The following HID1 variants were observed in gnomAD, a reference collection of about 807,000 sequenced individuals.
The protein encoded by HID1 is protein HID1.
Under a neutral mutation model 89.7 loss-of-function variants are expected in HID1, and 42 were observed. The observed-to-expected ratio is 0.47, with a 90% CI of 0.37 to 0.61. HID1 has a LOEUF of 0.61. Ranked by LOEUF, HID1 falls within the 20% of genes least tolerant of loss-of-function variation. HID1 has a pLI of 0.00. For synonymous variants in HID1, 442 were observed against 433.8 expected (o/e 1.02, Z -0.24); for missense variants, 854 against 1,039.3 (o/e 0.82, Z 2.45).
At chr17:74,964,167 C>T (rs865835716) in intron 2 of HID1, 1 of 595,432 alleles carries the variant, frequency 1.7e-6, no homozygotes, top group African/African-American at 1.9e-5. Flanking sequence ...TGGCTGAGGC[C>T]TTGCTAAGTG....
chr17:74,961,361 G>A lies in HID1; in HGVS notation c.728+512C>T, dbSNP rs546595077. Among the ~76,000 whole-genome samples the A allele has an allele frequency of 2.1e-3, 315 of 151,882 alleles. 2 individuals carry two copies. Among genetic ancestry groups the A allele is most frequent in the Non-Finnish European group, 3.7e-3 (253 of 67,968 alleles). On this transcript the variant is annotated intron_variant, in intron 6 of 18. Transcript: ENST00000425042. ...CGGCTCACTGCAACCTCCGCCTCCCGGGTTCAAGCGATTCTCGTGCCTCAG... is the reference window on the plus strand; with the variant it reads ...CGGCTCACTGCAACCTCCGCCTCCCAGGTTCAAGCGATTCTCGTGCCTCAG...
intron 1 of HID1, among the ~76,000 whole-genome samples, chr17:74,971,539 CT>C (rs2039647665): frequency 6.6e-6 from 1 of 152,172 alleles, no homozygotes; most frequent in South Asian, 2.1e-4. Context: ...TGGGAGCTGG[CT>C]TCCTCCATCC....
Position 74,972,537 on chromosome 17 carries a change from G to A in HID1, c.66+54C>T. The A allele has an allele frequency of 6.7e-7, 1 of 1,488,210 alleles. No individual in the cohort carries two copies. Among genetic ancestry groups the A allele is most frequent in the Admixed American group, 2.0e-5 (1 of 49,240 alleles). The allele number at this position is 1,488,210 out of a possible 1,614,324, so 92.2% of individuals were successfully genotyped here. On this transcript the variant is annotated intron_variant, in intron 1 of 18. Transcript: ENST00000425042. This position sits in a 1 kb window ranked among gnomAD's most constrained non-coding sequence, Gnocchi z 6.4. ...GCCAAGTTCGCGTACCCCCGGCCCT[G>A]CCCAGCCCCCAGCCCGGCAGGTGGA...
Position 74,962,964 on chromosome 17 carries a change from C to T in HID1, c.504+1G>A, listed in dbSNP as rs1430652445. 1 of 1,608,848 alleles carries T rather than the reference C, an allele frequency of 6.2e-7. No individual in the cohort carries two copies. Among genetic ancestry groups the T allele is most frequent in the Non-Finnish European group, 8.5e-7 (1 of 1,176,174 alleles). ...GGGGTGGGGGGCTGGGGGACACTCA[C>T]CACAGTGCTCCTCCGGTGGCTCTGA... On this transcript the variant is annotated splice_donor_variant, in intron 4 of 18. Coordinates refer to ENST00000425042, the MANE Select transcript of HID1 (RefSeq NM_030630.3). LOFTEE classifies it high-confidence loss of function. This position sits in a 1 kb window ranked among gnomAD's most constrained non-coding sequence, Gnocchi z 4.3.
intron 1 of HID1, among the ~76,000 whole-genome samples, chr17:74,971,846 C>T (rs1161465763): frequency 1.3e-5 from 2 of 152,218 alleles, no homozygotes; most frequent in Non-Finnish European, 2.9e-5. Flanking sequence ...CCTTAGGCCC[C>T]TCACCAGCTG....
At position 74,958,654 on chromosome 17, in the gene HID1, AC is replaced by A; in HGVS notation, c.1240+18del. 4 of 515,026 alleles carry A rather than the reference AC, an allele frequency of 7.8e-6. No homozygotes were observed. Among genetic ancestry groups the A allele is most frequent in the Non-Finnish European group, 9.8e-6 (3 of 306,374 alleles). The allele number at this position is 515,026 out of a possible 1,614,324, so 31.9% of individuals were successfully genotyped here. A position where few individuals can be genotyped will look rare whatever the true frequency, so the allele number is the denominator to read the frequency against. On this transcript the variant is annotated intron_variant, in intron 10 of 18. Transcript: ENST00000425042. This position sits in a 1 kb window ranked among gnomAD's most constrained non-coding sequence, Gnocchi z 5.2. Reference sequence around the variant, plus strand: ...CCGCCAGGAAAGCCCCCAGCATCCCACCCCCACCCTGGTCTTACACTGATCG... The same window carrying A: ...CCGCCAGGAAAGCCCCCAGCATCCCACCCCACCCTGGTCTTACACTGATCG...
Position 74,953,062 on chromosome 17 carries a change from G to C in HID1, c.1996C>G (p.Gln666Glu), listed in dbSNP as rs2039330815. Residue 666 changes from glutamine to glutamate, a missense_variant, in exon 16 of 19, where the codon CAG (glutamine) becomes GAG (glutamate). Coordinates refer to ENST00000425042, the MANE Select transcript of HID1 (RefSeq NM_030630.3). ...KGEPSQAWRE[Q>E]RRPSTSSASG... The stretch of plus-strand genomic sequence containing the variant: ...GCTGATGAGGTGGACGGTCGCCGCT[G>C]CTCCCTCCATGCCTGGCTGGGCTCC... The C allele has an allele frequency of 6.2e-7, 1 of 1,607,998 alleles. No homozygotes were observed. Among genetic ancestry groups the C allele is most frequent in the East Asian group, 2.2e-5 (1 of 44,690 alleles).
intron 17 of HID1, 36 bp downstream of exon 17, chr17:74,952,233 G>A: frequency 1.5e-6 from 2 of 1,293,264 alleles, no homozygotes; most frequent in Non-Finnish European, 2.2e-6. Context: ...CCCCGGCCCC[G>A]CCCACAACCC....
Position 74,962,305 on chromosome 17 carries a change from A to C in HID1, c.540T>G (p.Cys180Trp). 1 of 1,612,482 alleles carries C rather than the reference A, an allele frequency of 6.2e-7. No individual in the cohort carries two copies. Among genetic ancestry groups the C allele is most frequent in the Non-Finnish European group, 8.5e-7 (1 of 1,178,860 alleles). Reference sequence around the variant, plus strand: ...CCACACCAGCCTCCCAGATGTATTCACAGCTGTCCAGGGAGTGGACGTCCT... The same window carrying C: ...CCACACCAGCCTCCCAGATGTATTCCCAGCTGTCCAGGGAGTGGACGTCCT... ...SAEDVHSLDS[C>W]EYIWEAGVGF... is the part of the protein sequence containing the mutation. The change falls in exon 5 of 19, where the codon TGT becomes TGG. Residue 180 changes from cysteine (C) to tryptophan (W), a missense_variant. Cys to Trp is a radical substitution (Grantham distance 215, BLOSUM62 -2). Transcript: ENST00000425042. The surrounding 1 kb of genome is among the most constrained non-coding windows in gnomAD (Gnocchi z 4.3).
rs1432627750 is a variant in HID1 at position 74,952,296 on chromosome 17, G to A, written c.2117C>T (p.Pro706Leu). 1 of 1,613,682 alleles carries A rather than the reference G, an allele frequency of 6.2e-7. No homozygotes were observed. The highest frequency in any genetic ancestry group is 8.5e-7 in the Non-Finnish European group (1 of 1,179,858). The change falls in exon 17 of 19, where the codon CCG (proline) becomes CTG (leucine). Residue 706 changes from proline to leucine, a missense_variant. Transcript: ENST00000425042. ...GTCAATGCAGATCTTCTCCACCTGCGGAACCAGCACCTGCAGCAGCCTCAT... is the reference window on the plus strand; with the variant it reads ...GTCAATGCAGATCTTCTCCACCTGCAGAACCAGCACCTGCAGCAGCCTCAT... ...TIMRLLQVLV[P>L]QVEKICIDKG...
At position 74,958,122 on chromosome 17, in the gene HID1, G is replaced by A; in HGVS notation, c.1471+19C>T. 2 of 1,587,528 alleles carry A rather than the reference G, an allele frequency of 1.3e-6. No individual in the cohort carries two copies. Among genetic ancestry groups the A allele is most frequent in the Non-Finnish European group, 1.7e-6 (2 of 1,168,092 alleles). On this transcript the variant is annotated intron_variant, in intron 12 of 18. Coordinates refer to ENST00000425042, the MANE Select transcript of HID1 (RefSeq NM_030630.3). This position sits in a 1 kb window ranked among gnomAD's most constrained non-coding sequence, Gnocchi z 5.2. ...CCACCTGGTGGTGAGCGCGGGGAGT[G>A]CAAGCTCCGGGCCCCTACCGTTGAC...
intron 2 of HID1, 164 bp downstream of exon 2, chr17:74,964,319 G>A (rs1018885428): frequency 2.2e-5 from 17 of 757,176 alleles, no homozygotes; most frequent in African/African-American, 1.1e-4. Context: ...GACGGCTGCC[G>A]TGGTCCCAAC....
rs781123014 is a variant in HID1 at position 74,961,845 on chromosome 17, G to C, written c.728+28C>G. ...GGATTGCCTGGAATAAGAGGGAAGAGAGCGCAGAAAGGCCAAGGGCCCTTC... is the reference window on the plus strand; with the variant it reads ...GGATTGCCTGGAATAAGAGGGAAGACAGCGCAGAAAGGCCAAGGGCCCTTC... On this transcript the variant is annotated intron_variant, in intron 6 of 18. Coordinates refer to ENST00000425042, the MANE Select transcript of HID1 (RefSeq NM_030630.3). 1.5e-5 allele frequency: 21 copies of C among 1,359,302 alleles called. No individual in the cohort carries two copies. In the South Asian group the frequency reaches 1.9e-4, roughly 12 times the overall value. 84.2% of individuals were successfully genotyped at this position (1,359,302 alleles called of 1,614,324 possible). A position where few individuals can be genotyped will look rare whatever the true frequency, so the allele number is the denominator to read the frequency against.
At chr17:74,965,164 A>G (rs1425337149) in intron 1 of HID1, among the ~76,000 whole-genome samples, 1 of 152,144 alleles carries the variant, frequency 6.6e-6, no homozygotes. Context: ...TGGCTCTCTG[A>G]CCCCAACACG....
At position 74,951,931 on chromosome 17, in the gene HID1, G is replaced by C; in HGVS notation, c.2277C>G (p.Thr759=). 2 of 1,543,468 alleles carry C rather than the reference G, an allele frequency of 1.3e-6. No homozygotes were observed. The highest frequency in any genetic ancestry group is 1.7e-6 in the Non-Finnish European group (2 of 1,143,558). ...ANSGTAMWFR[T]YMWGVIYLRN... ...TCAGATAGATGACGCCCCACATGTA[G>C]GTGCGGAACCACATGGCAGTGCCCG... The change falls in exon 18 of 19, where the codon ACC becomes ACG. Residue 759 remains threonine (T), a synonymous_variant. Transcript: ENST00000425042.
chr17:74,958,692 G>A lies in HID1; in HGVS notation c.1221C>T (p.Asn407=), dbSNP rs147101638. 46 of 1,594,216 alleles carry A rather than the reference G, an allele frequency of 2.9e-5. No homozygotes were observed. In the African/African-American group the frequency reaches 2.9e-4, roughly 10 times the overall value. ...TCTTACACTGATCGGCCCGGGCATC[G>A]TTGAGGAAGAAGAGGATGGGGACAA... ...DILVPILFFL[N]DARADQSRVG... is the part of the protein sequence containing the mutation. Residue 407 remains asparagine, a synonymous_variant, in exon 10 of 19, where the codon AAC becomes AAT. Transcript: ENST00000425042. The surrounding 1 kb of genome is among the most constrained non-coding windows in gnomAD (Gnocchi z 5.2).
At position 74,954,184 on chromosome 17, in the gene HID1, G is replaced by A; in HGVS notation, c.1818C>T (p.Ala606=). Residue 606 remains alanine, a synonymous_variant, in exon 14 of 19, where the codon GCC becomes GCT. Coordinates refer to ENST00000425042, the MANE Select transcript of HID1 (RefSeq NM_030630.3). The stretch of plus-strand genomic sequence containing the variant: ...TCTTGAGGGTGCCTGGCTCTGCAGG[G>A]GCAGCGGGGCGGGAGCCCTCCATGG... ...GTSMEGSRPA[A]PAEPGTLKTS... 1 of 1,603,232 alleles carries A rather than the reference G, an allele frequency of 6.2e-7. No homozygotes were observed.
In HID1 at chr17:74,964,482, C is replaced by T; in HGVS notation, c.216+1G>A. 1 of 1,608,828 alleles carries T rather than the reference C, an allele frequency of 6.2e-7. No individual in the cohort carries two copies. The highest frequency in any genetic ancestry group is 8.5e-7 in the Non-Finnish European group (1 of 1,177,936). On this transcript the variant is annotated splice_donor_variant, in intron 2 of 18. Transcript: ENST00000425042. LOFTEE classifies it high-confidence loss of function. ...AGCAGGAGGGACTGGGCAGCCCTCA[C>T]CTTGTAGCACAGGGTGGCCAAGTTG...
chr17:74,969,848 G>A (rs2039618153), intron 1 of HID1, among the ~76,000 whole-genome samples: 1 of 151,294 alleles, frequency 6.6e-6, no homozygotes. Flanking sequence ...CGATCCTCCT[G>A]CCTCCACCTC....
Sources: gnomAD v4.1 joint callset for allele counts (sites outside exome capture counted in the v4.1 genomes callset) on GRCh38, gnomAD v4.1.1 for gene constraint, Gnocchi (gnomAD v3.1) non-coding constraint, MANE v1.5 for transcripts, NCBI Gene and HGNC (gene_info 2026-07-23, HGNC 2026-07-21) for gene names.